Variants in FER1L5 observed in about 807,000 individuals in gnomAD.
The protein encoded by FER1L5 is fer-1 like family member 5, also known as fer-1-like protein 5.
Under a neutral mutation model 279.9 loss-of-function variants are expected in FER1L5, and 187 were observed. The ratio of observed to expected loss-of-function variants is 0.67; its 90% CI spans 0.59 to 0.75. The LOEUF (loss-of-function observed/expected upper bound fraction) is 0.75. Ranked by LOEUF, FER1L5 falls within the 30% of genes least tolerant of loss-of-function variation. The pLI, the probability that FER1L5 is intolerant of heterozygous loss-of-function variation, is 0.00. For synonymous variants in FER1L5, 921 were observed against 989.7 expected, an observed-to-expected ratio of 0.93 and a Z score of 1.30; for missense variants, 2,091 against 2,594.4, an observed-to-expected ratio of 0.81 and a Z score of 4.21.
chr2:96,657,041 G>GT (rs991672202), intron 9 of FER1L5, among the ~76,000 whole-genome samples: 2 of 148,706 alleles, frequency 1.3e-5, no homozygotes, highest in Non-Finnish European at 3.0e-5. Flanking sequence ...TTTCTATTCT[G>GT]TTTTTTTATT....
intron 5 of FER1L5, among the ~76,000 whole-genome samples, chr2:96,649,979 C>G (rs2075295081): frequency 6.6e-6 from 1 of 152,222 alleles, no homozygotes; most frequent in Non-Finnish European, 1.5e-5. Context: ...GTGTGTGGAG[C>G]AGGGTCCAGG....
chr2:96,691,686 G>A lies in FER1L5; in HGVS notation c.3075+74G>A. On this transcript the variant is annotated intron_variant, in intron 29 of 52. Coordinates refer to ENST00000624922, the MANE Select transcript of FER1L5 (RefSeq NM_001293083.2). The surrounding 1 kb of genome is among the most constrained non-coding windows in gnomAD (Gnocchi z 6.0). ...GAGAAGCCAGGGCCTGGCCTGGCTGGGGCGCTGACTGCGGAGGAAGGGCCT... is the reference window on the plus strand; with the variant it reads ...GAGAAGCCAGGGCCTGGCCTGGCTGAGGCGCTGACTGCGGAGGAAGGGCCT... 1 of 1,531,844 alleles carries A rather than the reference G, an allele frequency of 6.5e-7. No homozygotes were observed. The highest frequency in any genetic ancestry group is 8.8e-7 in the Non-Finnish European group (1 of 1,136,308). 94.9% of individuals were successfully genotyped at this position (1,531,844 alleles called of 1,614,324 possible).
In FER1L5 at chr2:96,699,747, G is replaced by C. The variant is rs765142893; in HGVS notation, c.4781+27G>C. ...TGAGAGTGGGCCCGTCTGGGGGAAG[G>C]GAGTCAGGTGGGGTGGAAGAGTGAG... On this transcript the variant is annotated intron_variant, in intron 43 of 52. Transcript: ENST00000624922. The C allele has an allele frequency of 4.3e-6, 7 of 1,612,012 alleles. No homozygotes were observed. In the East Asian group the frequency reaches 1.6e-4, roughly 36 times the overall value.
chr2:96,658,592 T>TG (rs1320290673), intron 9 of FER1L5, among the ~76,000 whole-genome samples: 1 of 151,804 alleles, frequency 6.6e-6, no homozygotes, highest in Admixed American at 6.6e-5. Context: ...TAAAAGTTTT[T>TG]TTTCCAAAAT....
At chr2:96,687,542 A>C (rs2076975902) in intron 23 of FER1L5, among the ~76,000 whole-genome samples, 1 of 152,156 alleles carries the variant, frequency 6.6e-6, no homozygotes, top group African/African-American at 2.4e-5. Context: ...GCACACAAGG[A>C]ATGTCCATCA....
chr2:96,697,431 C>A, intron 37 of FER1L5, 95 bp from the exon 38 acceptor site: 2 of 1,381,924 alleles, frequency 1.4e-6, no homozygotes, highest in Non-Finnish European at 2.0e-6. Flanking sequence ...GGCAAGGGCA[C>A]CAGGGAAGCT....
At chr2:96,692,463 C>T (rs1456213930) in intron 31 of FER1L5, among the ~76,000 whole-genome samples, 1 of 152,214 alleles carries the variant, frequency 6.6e-6, no homozygotes, top group Middle Eastern at 3.2e-3. Context: ...GACTACGAGG[C>T]AGGGCTGCTC....
intron 37 of FER1L5, among the ~76,000 whole-genome samples, chr2:96,696,695 G>A (rs2077395530): frequency 6.6e-6 from 1 of 151,658 alleles, no homozygotes; most frequent in Non-Finnish European, 1.5e-5. Flanking sequence ...AAGGTCACGA[G>A]TTCAAGACCG....
chr2:96,678,583 C>A lies in FER1L5; in HGVS notation c.1669+5329C>A, dbSNP rs906160405. Among the ~76,000 whole-genome samples the A allele has an allele frequency of 2.6e-5, 4 of 152,182 alleles. 1 individual carries two copies. The highest frequency in any genetic ancestry group is 1.3e-4 in the Admixed American group (2 of 15,266). On this transcript the variant is annotated intron_variant, in intron 19 of 52. Transcript: ENST00000624922. ...AAGTAGCTGGGACTACAGGCACGCA[C>A]CACCACACCTGGCTAATTTTTGTAT...
In FER1L5 at chr2:96,694,844, T is replaced by TGCAGATGCCAGGATG. The variant is rs761082869; in HGVS notation, c.3741+381_3741+395dup. On this transcript the variant is annotated intron_variant, in intron 34 of 52. Coordinates refer to ENST00000624922, the MANE Select transcript of FER1L5 (RefSeq NM_001293083.2). The surrounding 1 kb of genome is among the most constrained non-coding windows in gnomAD (Gnocchi z 4.6). ...CCATTTAGGCCCAGCCCTGTCTGAC[T>TGCAGATGCCAGGATG]GCAGATGCCAGGATGTTGCTCACCT... 2.7e-4 allele frequency: 44 copies of TGCAGATGCCAGGATG among 165,618 alleles called. No homozygotes were observed. Among genetic ancestry groups the TGCAGATGCCAGGATG allele is most frequent in the Non-Finnish European group, 4.5e-4 (35 of 77,210 alleles). 10.3% of individuals were successfully genotyped at this position (165,618 alleles called of 1,614,324 possible). A position where few individuals can be genotyped will look rare whatever the true frequency, so the allele number is the denominator to read the frequency against.
chr2:96,656,750 T>G (rs2075615134), intron 9 of FER1L5, among the ~76,000 whole-genome samples: 1 of 144,758 alleles, frequency 6.9e-6, no homozygotes, highest in South Asian at 2.1e-4. Flanking sequence ...CACTTCCTCT[T>G]TTTTTTTTTT....
chr2:96,690,323 T>A (rs2077092575), intron 26 of FER1L5, among the ~76,000 whole-genome samples, 164 bp from the exon 27 acceptor site: 1 of 152,132 alleles, frequency 6.6e-6, no homozygotes, highest in Admixed American at 6.5e-5. Flanking sequence ...TGGAGCATAT[T>A]CAGTGATGGC....
At chr2:96,652,757 G>A (rs1045286006) in intron 7 of FER1L5, 5 of 152,754 alleles carry the variant, frequency 3.3e-5, no homozygotes, top group African/African-American at 1.2e-4. Context: ...GACAGGCCTA[G>A]GTTTGCATTT....
intron 9 of FER1L5, among the ~76,000 whole-genome samples, chr2:96,659,346 C>CTTCCTTCCTTCCTTCCTTCTTTCT (rs2075768894): frequency 1.3e-5 from 1 of 78,348 alleles, no homozygotes; most frequent in East Asian, 4.6e-4. Context: ...TCCTTCCTTC[C>CTTCCTTCCTTCCTTCCTTCTTTCT]TTCCTTCCTT....
In FER1L5 at chr2:96,651,974, A is replaced by G; in HGVS notation, c.587A>G (p.Gln196Arg). ...GTGAAGGTGTCCATCGCAGGCCAGC[A>G]GCACCAGACACGCATCAAGATGGGA... Reference protein sequence around the residue: ...PVVKVSIAGQQHQTRIKMGNN... With the variant: ...PVVKVSIAGQRHQTRIKMGNN... Residue 196 changes from glutamine to arginine, a missense_variant, in exon 7 of 53, where the codon CAG becomes CGG. Transcript: ENST00000624922. 1 of 1,551,932 alleles carries G rather than the reference A, an allele frequency of 6.4e-7. No homozygotes were observed. Among genetic ancestry groups the G allele is most frequent in the Non-Finnish European group, 8.7e-7 (1 of 1,147,024 alleles).
intron 51 of FER1L5, among the ~76,000 whole-genome samples, 159 bp downstream of exon 51, chr2:96,703,791 G>A (rs1340492308): frequency 6.7e-6 from 1 of 149,872 alleles, no homozygotes; most frequent in African/African-American, 2.5e-5. Flanking sequence ...GGTGAGGGTT[G>A]GAGTAAGCAA....
At chr2:96,680,779 A>G (rs2076691874) in intron 19 of FER1L5, among the ~76,000 whole-genome samples, 1 of 152,214 alleles carries the variant, frequency 6.6e-6, no homozygotes, top group Non-Finnish European at 1.5e-5. Flanking sequence ...TTGTAATAGC[A>G]CTCAGATCAC....
In FER1L5 at chr2:96,695,670, C is replaced by T. The variant is rs771154745; in HGVS notation, c.3894+9C>T. 1.2e-6 allele frequency: 2 copies of T among 1,604,516 alleles called. No individual in the cohort carries two copies. The highest frequency in any genetic ancestry group is 4.5e-5 in the East Asian group (2 of 44,626). On this transcript the variant is annotated intron_variant, in intron 35 of 52. Coordinates refer to ENST00000624922, the MANE Select transcript of FER1L5 (RefSeq NM_001293083.2). ...TCCTAGTCCTCACAGTGGTAAGAGG[C>T]CCCAGGGCAGGGGCTGGGCAGCCCT...
intron 14 of FER1L5, among the ~76,000 whole-genome samples, chr2:96,665,407 C>T (rs537267879): frequency 6.6e-6 from 1 of 152,168 alleles, no homozygotes; most frequent in East Asian, 1.9e-4. Flanking sequence ...TCCCTGCCTC[C>T]TTGGATGATT....
Sources: gnomAD v4.1 joint callset for allele counts (sites outside exome capture counted in the v4.1 genomes callset) on GRCh38, gnomAD v4.1.1 for gene constraint, Gnocchi (gnomAD v3.1) non-coding constraint, MANE v1.5 for transcripts, NCBI Gene and HGNC (gene_info 2026-07-23, HGNC 2026-07-21) for gene names.